The following BOD1L1 variants were observed in gnomAD, a reference collection of about 807,000 sequenced individuals.
BOD1L1 encodes biorientation of chromosomes in cell division 1 like 1.
BOD1L1 carries 86 observed loss-of-function variants against 240.7 expected under a neutral mutation model. The observed-to-expected ratio is 0.36, with a 90% CI of 0.30 to 0.43. The LOEUF (loss-of-function observed/expected upper bound fraction) is 0.43. Among genes scored for constraint, BOD1L1 ranks in the 20% least tolerant of loss-of-function variants. The pLI, the probability that BOD1L1 is intolerant of heterozygous loss-of-function variation, is 1.00. For synonymous variants in BOD1L1, 1,268 were observed against 1,272.3 expected (o/e 1.00, Z 0.07); for missense variants, 3,554 against 3,643.5 (o/e 0.98, Z 0.63).
At chr4:13,598,534 C>T (rs1340343886) in intron 10 of BOD1L1, among the ~76,000 whole-genome samples, 1 of 152,074 alleles carries the variant, frequency 6.6e-6, no homozygotes, top group Non-Finnish European at 1.5e-5. Flanking sequence ...CCTATTTCCT[C>T]GTTTGTAAAA....
chr4:13,612,526 G>GGACT (rs1450497089), intron 5 of BOD1L1, among the ~76,000 whole-genome samples: 1 of 152,080 alleles, frequency 6.6e-6, no homozygotes, highest in Non-Finnish European at 1.5e-5. Context: ...GTGGTTCTGA[G>GGACT]GACTATAGGA....
At position 13,569,459 on chromosome 4, in the gene BOD1L1, C is replaced by T. The variant is rs1318600385; in HGVS notation, c.*552G>A. 1 of 152,016 alleles carries T rather than the reference C, an allele frequency of 6.6e-6. No individual in the cohort carries two copies. The highest frequency in any genetic ancestry group is 2.4e-5 in the African/African-American group (1 of 41,366). The allele number at this position is 152,016 out of a possible 1,614,324, so 9.4% of individuals were successfully genotyped here. On this transcript the variant is annotated 3_prime_UTR_variant, in exon 26 of 26. Coordinates refer to ENST00000040738, the MANE Select transcript of BOD1L1 (RefSeq NM_148894.3). ...AGATCATATTAAGATAGTTACAGAG[C>T]AGGCAGAGTCCTAAAAAATTTTCTA... is the stretch of plus-strand genomic sequence containing the variant.
intron 25 of BOD1L1, among the ~76,000 whole-genome samples, chr4:13,572,115 C>T (rs540226023): frequency 3.9e-5 from 6 of 152,268 alleles, no homozygotes; most frequent in Middle Eastern, 3.4e-3. Flanking sequence ...CAAACCAATG[C>T]TATGTGGCAT....
In BOD1L1 at chr4:13,570,124, T is replaced by C. The variant is rs768378970; in HGVS notation, c.9043A>G (p.Lys3015Glu). The C allele has an allele frequency of 1.9e-6, 3 of 1,586,650 alleles. No homozygotes were observed. Among genetic ancestry groups the C allele is most frequent in the Non-Finnish European group, 8.6e-7 (1 of 1,169,500 alleles). Residue 3015 changes from lysine to glutamate, a missense_variant, in exon 26 of 26, where the codon AAG becomes GAG. Physicochemically the swap from Lys to Glu is moderately conservative, Grantham distance 56. Transcript: ENST00000040738. ...TTGATAGAAGGGGAGAGCTGTGTCT[T>C]TGATCTGCATTAAGCAAAGTCAAGG... ...STTRSEAQRS[K>E]TQLSPSIKRK...
At chr4:13,586,363 C>T in intron 17 of BOD1L1, 33 bp downstream of exon 17, 1 of 1,512,700 alleles carries the variant, frequency 6.6e-7, no homozygotes. Context: ...CTACCCCCAC[C>T]CAAAACTTAA....
Position 13,600,818 on chromosome 4 carries a change from C to T in BOD1L1, c.6082G>A (p.Glu2028Lys). The change falls in exon 10 of 26, where the codon GAA becomes AAA. Residue 2028 changes from glutamate (E) to lysine (K), a missense_variant. By Grantham distance (56) the Glu-to-Lys change is moderately conservative. This residue lies in a region of BOD1L1 where 3,393 missense variants were observed against 3,427.1 expected (regional missense o/e 0.99). Coordinates refer to ENST00000040738, the MANE Select transcript of BOD1L1 (RefSeq NM_148894.3). ...ECEVAHTSPS[E>K]KEDEDIITSV... is the part of the protein sequence containing the mutation. ...GTGATGATGTCCTCATCTTCTTTTT[C>T]ACTTGGTGATGTGTGAGCAACTTCA... is the stretch of plus-strand genomic sequence containing the variant. 1 of 1,613,834 alleles carries T rather than the reference C, an allele frequency of 6.2e-7. No homozygotes were observed. Among genetic ancestry groups the T allele is most frequent in the Non-Finnish European group, 8.5e-7 (1 of 1,179,788 alleles).
intron 6 of BOD1L1, among the ~76,000 whole-genome samples, chr4:13,610,451 G>T (rs1716067843): frequency 6.6e-6 from 1 of 152,168 alleles, no homozygotes; most frequent in African/African-American, 2.4e-5. Flanking sequence ...AACTCTTTGA[G>T]CACTGACATG....
intron 2 of BOD1L1, among the ~76,000 whole-genome samples, chr4:13,618,612 T>C (rs780056561): frequency 1.1e-4 from 16 of 152,238 alleles, no homozygotes; most frequent in Non-Finnish European, 1.6e-4. Flanking sequence ...AGACATCCTT[T>C]AAAATGTAGA....
chr4:13,608,547 C>T lies in BOD1L1; in HGVS notation c.1725G>A (p.Lys575=). 3 of 1,537,940 alleles carry T rather than the reference C, an allele frequency of 2.0e-6. No homozygotes were observed. Among genetic ancestry groups the T allele is most frequent in the African/African-American group, 1.4e-5 (1 of 71,414 alleles). ...ATATGTACCTTGAATCTTTTTTTCT[C>T]TTTTTGCTTAAGGCTACTTTTTTTT... is the stretch of plus-strand genomic sequence containing the variant. The part of the protein sequence containing the change: ...VLEKKVALSK[K]RKKDSRNVEE... Residue 575 remains lysine, a synonymous_variant, in exon 8 of 26, where the codon AAG becomes AAA. Coordinates refer to ENST00000040738, the MANE Select transcript of BOD1L1 (RefSeq NM_148894.3).
intron 17 of BOD1L1, among the ~76,000 whole-genome samples, chr4:13,584,056 T>C (rs2108898656): frequency 6.6e-6 from 1 of 152,328 alleles, no homozygotes; most frequent in Admixed American, 6.5e-5. Context: ...TCACTTTCAG[T>C]GATGGCACCA....
At chr4:13,591,505 G>T (rs1354537817) in intron 13 of BOD1L1, among the ~76,000 whole-genome samples, 1 of 152,048 alleles carries the variant, frequency 6.6e-6, no homozygotes. Context: ...AGAATGAACG[G>T]GATTATGAGA....
At chr4:13,606,754 C>T (rs1577361227) in intron 9 of BOD1L1, among the ~76,000 whole-genome samples, 1 of 152,094 alleles carries the variant, frequency 6.6e-6, no homozygotes, top group South Asian at 2.1e-4. Flanking sequence ...TATGTGGACC[C>T]GTGGATAAGG....
chr4:13,582,611 T>C lies in BOD1L1; in HGVS notation c.8518+41A>G, dbSNP rs553252507. On this transcript the variant is annotated intron_variant, in intron 18 of 25. Transcript: ENST00000040738. Reference sequence around the variant, plus strand: ...CGGTTGAGAGACACGCTGGCTGCTTTGAAGGCTCAGTCAATTTACCCAAGC... The same window carrying C: ...CGGTTGAGAGACACGCTGGCTGCTTCGAAGGCTCAGTCAATTTACCCAAGC... 1.2e-3 allele frequency: 1,795 copies of C among 1,458,018 alleles called. 27 individuals carry two copies. The South Asian group carries it at 0.02, about 16-fold the overall frequency. 90.3% of individuals were successfully genotyped at this position (1,458,018 alleles called of 1,614,324 possible). A position where few individuals can be genotyped will look rare whatever the true frequency, so the allele number is the denominator to read the frequency against.
intron 25 of BOD1L1, among the ~76,000 whole-genome samples, chr4:13,571,140 A>T (rs1489720747): frequency 6.6e-6 from 1 of 152,226 alleles, no homozygotes; most frequent in Non-Finnish European, 1.5e-5. Context: ...AAAGTTTGAA[A>T]GTCTTATACA....
At chr4:13,595,391 T>A (rs1033338435) in intron 12 of BOD1L1, among the ~76,000 whole-genome samples, 2 of 152,194 alleles carry the variant, frequency 1.3e-5, no homozygotes, top group African/African-American at 4.8e-5. Context: ...TGAAGAATGT[T>A]GCACAGAGAG....
chr4:13,582,506 A>G, intron 18 of BOD1L1, 146 bp downstream of exon 18: 1 of 709,450 alleles, frequency 1.4e-6, no homozygotes, highest in Non-Finnish European at 2.4e-6. Flanking sequence ...TCCAAATTAA[A>G]AATGATTCCC....
At position 13,613,095 on chromosome 4, in the gene BOD1L1, G is replaced by A. The variant is rs1227320860; in HGVS notation, c.1324+417C>T. 6.6e-6 allele frequency among the ~76,000 whole-genome samples: 1 copy of A among 152,048 alleles called. No homozygotes were observed. Among genetic ancestry groups the A allele is most frequent in the Non-Finnish European group, 1.5e-5 (1 of 68,018 alleles). ...CATAGCTGTGAGTATACCACCTTTCGGTAAGTTCTATGAGCCCTTTTAGCA... is the reference window on the plus strand; with the variant it reads ...CATAGCTGTGAGTATACCACCTTTCAGTAAGTTCTATGAGCCCTTTTAGCA... On this transcript the variant is annotated intron_variant, in intron 5 of 25. Transcript: ENST00000040738. The surrounding 1 kb of genome is among the most constrained non-coding windows in gnomAD (Gnocchi z 4.0).
At chr4:13,589,388 C>T (rs1196366679) in intron 14 of BOD1L1, among the ~76,000 whole-genome samples, 1 of 152,104 alleles carries the variant, frequency 6.6e-6, no homozygotes, top group East Asian at 1.9e-4. Context: ...TTCAAAATAC[C>T]TACATGTGCA....
chr4:13,603,355 T>C lies in BOD1L1; in HGVS notation c.3545A>G (p.Lys1182Arg). Residue 1182 changes from lysine to arginine, a missense_variant, in exon 10 of 26, where the codon AAG (lysine) becomes AGG (arginine). Physicochemically the swap from Lys to Arg is conservative, Grantham distance 26. Around this residue, in one of 2 missense-constraint regions of BOD1L1, gnomAD observed 3,393 missense variants for 3,427.1 expected, o/e 0.99. Coordinates refer to ENST00000040738, the MANE Select transcript of BOD1L1 (RefSeq NM_148894.3). Reference protein sequence around the residue: ...ADSKATAPAYKPGRGTGVNSN... With the variant: ...ADSKATAPAYRPGRGTGVNSN... ...ATTAACTCCTGTTCCACGGCCTGGC[T>C]TATAAGCTGGAGCTGTTGCTTTTGA... 1 of 1,614,022 alleles carries C rather than the reference T, an allele frequency of 6.2e-7. No individual in the cohort carries two copies. Among genetic ancestry groups the C allele is most frequent in the Non-Finnish European group, 8.5e-7 (1 of 1,179,900 alleles).
Sources: gnomAD v4.1 joint callset for allele counts (sites outside exome capture counted in the v4.1 genomes callset) on GRCh38, gnomAD v4.1.1 for gene constraint, gnomAD v4.1.1 regional missense constraint, Gnocchi (gnomAD v3.1) non-coding constraint, MANE v1.5 for transcripts, NCBI Gene and HGNC (gene_info 2026-07-23, HGNC 2026-07-21) for gene names.